ERC1: variants seen among roughly 807,000 people sequenced by gnomAD.
The protein encoded by ERC1 is ELKS/RAB6-interacting/CAST family member 1.
Under a neutral mutation model 132.0 loss-of-function variants are expected in ERC1, and 56 were observed. That is an observed-to-expected ratio of 0.42 (90% confidence interval 0.34 to 0.53). The LOEUF (loss-of-function observed/expected upper bound fraction) is 0.53. Among genes scored for constraint, ERC1 ranks in the 20% least tolerant of loss-of-function variants. The pLI is 0.03. For synonymous variants in ERC1, 478 were observed against 476.1 expected, an observed-to-expected ratio of 1.00 and a Z score of -0.05; for missense variants, 1,202 against 1,349.9, an observed-to-expected ratio of 0.89 and a Z score of 1.72.
intron 13 of ERC1, among the ~76,000 whole-genome samples, chr12:1,239,509 G>A (rs2075656437): frequency 6.6e-6 from 1 of 152,178 alleles, no homozygotes; most frequent in Middle Eastern, 3.2e-3. Context: ...GATCACTTGA[G>A]ACCAGAGTTC....
intron 17 of ERC1, among the ~76,000 whole-genome samples, chr12:1,418,789 C>T (rs1032548638): frequency 2.0e-5 from 3 of 150,524 alleles, no homozygotes; most frequent in South Asian, 2.1e-4. Flanking sequence ...CATAGCTTAC[C>T]GTAGCCTCGG....
At chr12:1,168,658 T>C (rs981261313) in intron 8 of ERC1, among the ~76,000 whole-genome samples, 1 of 152,112 alleles carries the variant, frequency 6.6e-6, no homozygotes, top group East Asian at 1.9e-4. Context: ...CTAATTTTTT[T>C]GTATTTTTAG....
In ERC1 at chr12:1,228,012, A is replaced by C. The variant is rs369084280; in HGVS notation, c.2352-8757A>C. On this transcript the variant is annotated intron_variant, in intron 12 of 18. Coordinates refer to ENST00000360905, the MANE Select transcript of ERC1 (RefSeq NM_178040.4). ...TTTCTATTCTGTTCCATTGGTATAG[A>C]TGTCTGTTTTCATGCTGGTACCATA... Among the ~76,000 whole-genome samples, 39 of 152,250 alleles carry C rather than the reference A, an allele frequency of 2.6e-4. 1 individual carries two copies. The East Asian group carries it at 2.7e-3, about 11-fold the overall frequency.
intron 3 of ERC1, among the ~76,000 whole-genome samples, chr12:1,090,958 C>T (rs554675719): frequency 2.7e-5 from 4 of 150,314 alleles, no homozygotes; most frequent in African/African-American, 9.8e-5. Context: ...AGTGCAGTGG[C>T]GCAATCTTGG....
At chr12:1,122,013 C>A (rs370293496) in intron 7 of ERC1, among the ~76,000 whole-genome samples, 3 of 2,386 alleles carry the variant, frequency 1.3e-3, no homozygotes, top group African/African-American at 1.4e-3. Context: ...CTCTATCTAT[C>A]TCTATCTCTA....
intron 15 of ERC1, among the ~76,000 whole-genome samples, chr12:1,321,564 G>A (rs940159376): frequency 2.0e-5 from 3 of 152,126 alleles, no homozygotes; most frequent in Non-Finnish European, 2.9e-5. Context: ...CTAGAAACTC[G>A]AGACCTCTAA....
At chr12:1,165,173 A>G (rs937677488) in intron 8 of ERC1, among the ~76,000 whole-genome samples, 2 of 152,208 alleles carry the variant, frequency 1.3e-5, no homozygotes, top group Admixed American at 1.3e-4. Flanking sequence ...TTGGCAATTC[A>G]CCTTGGGTGA....
intron 15 of ERC1, among the ~76,000 whole-genome samples, chr12:1,359,844 G>A (rs1295388191): frequency 1.3e-5 from 2 of 152,098 alleles, no homozygotes; most frequent in Non-Finnish European, 2.9e-5. Flanking sequence ...ATATATTTGT[G>A]TATCACAAAA....
intron 5 of ERC1, among the ~76,000 whole-genome samples, chr12:1,110,867 TAATTTTTTG>T (rs1945776945): frequency 6.6e-6 from 1 of 152,116 alleles, no homozygotes; most frequent in Admixed American, 6.5e-5. Flanking sequence ...CACACCTGGC[TAATTTTTTG>T]TATTTTTTGT....
At chr12:1,417,319 C>A (rs1458179948) in intron 17 of ERC1, among the ~76,000 whole-genome samples, 1 of 152,120 alleles carries the variant, frequency 6.6e-6, no homozygotes, top group Non-Finnish European at 1.5e-5. Context: ...TTCTGCCAGC[C>A]CTTTTTGCAT....
At chr12:1,333,214 G>T (rs1162689419) in intron 15 of ERC1, among the ~76,000 whole-genome samples, 2 of 151,772 alleles carry the variant, frequency 1.3e-5, no homozygotes, top group African/African-American at 4.8e-5. Context: ...TTGGTTTTCT[G>T]TTCCTGTGTT....
At chr12:1,156,453 G>T (rs1423070384) in intron 8 of ERC1, among the ~76,000 whole-genome samples, 1 of 151,994 alleles carries the variant, frequency 6.6e-6, no homozygotes, top group Non-Finnish European at 1.5e-5. Flanking sequence ...TGGCCAGCCT[G>T]GTCTCGAACT....
At chr12:1,166,661 T>C (rs1952456635) in intron 8 of ERC1, among the ~76,000 whole-genome samples, 2 of 152,360 alleles carry the variant, frequency 1.3e-5, no homozygotes, top group South Asian at 4.1e-4. Context: ...GTTTTTCTCC[T>C]GTATTCTGTT....
Position 1,119,062 on chromosome 12 carries a change from A to G in ERC1, c.1569+3029A>G, listed in dbSNP as rs1166606417. On this transcript the variant is annotated intron_variant, in intron 7 of 18. Coordinates refer to ENST00000360905, the MANE Select transcript of ERC1 (RefSeq NM_178040.4). ...CTGGCTAATTTTTAAAACTTTTTGC[A>G]GAGACAGAGTCTCACTGTGTTGCCT... is the stretch of plus-strand genomic sequence containing the variant. Among the ~76,000 whole-genome samples, 4 of 152,102 alleles carry G rather than the reference A, an allele frequency of 2.6e-5. No individual in the cohort carries two copies. The South Asian group carries it at 6.2e-4, about 24-fold the overall frequency.
chr12:1,164,713 A>G (rs544107807), intron 8 of ERC1, among the ~76,000 whole-genome samples: 2 of 152,310 alleles, frequency 1.3e-5, no homozygotes, highest in African/African-American at 4.8e-5. Flanking sequence ...GAGAAGGGGT[A>G]GAGTTCATGG....
At chr12:1,098,501 T>C (rs575181833) in intron 3 of ERC1, among the ~76,000 whole-genome samples, 1 of 152,330 alleles carries the variant, frequency 6.6e-6, no homozygotes, top group African/African-American at 2.4e-5. Context: ...TAGGACCTGC[T>C]GTTGACTTGG....
chr12:1,269,827 C>T (rs1250364554), intron 14 of ERC1, among the ~76,000 whole-genome samples: 1 of 152,136 alleles, frequency 6.6e-6, no homozygotes, highest in Admixed American at 6.5e-5. Context: ...TTTCATTTTC[C>T]CCTTCACGGT....
chr12:1,037,115 G>C (rs904232849), intron 2 of ERC1, among the ~76,000 whole-genome samples: 3 of 152,174 alleles, frequency 2.0e-5, no homozygotes. Context: ...AGTGAAGTAT[G>C]AAAAATAATT....
chr12:1,236,886 C>T lies in ERC1; in HGVS notation c.2469C>T (p.Asp823=). The T allele has an allele frequency of 6.2e-7, 1 of 1,614,012 alleles. No individual in the cohort carries two copies. The part of the protein sequence containing the change: ...EARRREDNLN[D]SSQQLQDSLR... Reference sequence around the variant, plus strand: ...GACGACGGGAGGACAATCTCAACGACAGCTCTCAGCAGCTACAGGTTAGAA... The same window carrying T: ...GACGACGGGAGGACAATCTCAACGATAGCTCTCAGCAGCTACAGGTTAGAA... The change falls in exon 13 of 19, where the codon GAC becomes GAT. Residue 823 remains aspartate (D), a synonymous_variant. Transcript: ENST00000360905.
Sources: gnomAD v4.1 joint callset for allele counts (sites outside exome capture counted in the v4.1 genomes callset) on GRCh38, gnomAD v4.1.1 for gene constraint, MANE v1.5 for transcripts, NCBI Gene and HGNC (gene_info 2026-07-23, HGNC 2026-07-21) for gene names.